The following TMTC1 variants were observed in gnomAD, a reference collection of about 807,000 sequenced individuals.
TMTC1 encodes the protein protein O-mannosyl-transferase TMTC1.
A neutral mutation model predicts 104.8 loss-of-function variants in TMTC1; 73 were observed. The observed-to-expected ratio is 0.70, with a 90% CI of 0.58 to 0.85. The LOEUF is 0.85. TMTC1 is among the 40% of genes least tolerant of loss of function. The probability of loss-of-function intolerance (pLI) is 0.00; values close to 1 mark genes in which losing one functional copy is unlikely to be tolerated. For missense variants in TMTC1, 1,035 were observed against 1,096.1 expected, an observed-to-expected ratio of 0.94 and a Z score of 0.79; for synonymous variants, 434 against 428.7, an observed-to-expected ratio of 1.01 and a Z score of -0.15.
chr12:29,506,766 G>C lies in TMTC1; in HGVS notation c.*80C>G. The C allele has an allele frequency of 6.5e-7, 1 of 1,546,724 alleles. No homozygotes were observed. ...AGAAAATCTCATTAGTTGTGCCCCTGCTGATGTGAAAGCAAGGCTTCCATC... is the reference window on the plus strand; with the variant it reads ...AGAAAATCTCATTAGTTGTGCCCCTCCTGATGTGAAAGCAAGGCTTCCATC... On this transcript the variant is annotated 3_prime_UTR_variant, in exon 18 of 18. Coordinates refer to ENST00000539277, the MANE Select transcript of TMTC1 (RefSeq NM_001193451.2).
chr12:29,659,849 A>G, intron 5 of TMTC1: 1 of 1,471,000 alleles, frequency 6.8e-7, no homozygotes, highest in Non-Finnish European at 9.1e-7. Flanking sequence ...TCTAATAAAT[A>G]CCAAGTTTTA....
chr12:29,685,250 A>C (rs1044327170), intron 5 of TMTC1, among the ~76,000 whole-genome samples: 1 of 152,120 alleles, frequency 6.6e-6, no homozygotes, highest in East Asian at 1.9e-4. Flanking sequence ...GCACAGTACA[A>C]AACAGTCTAC....
At chr12:29,741,120 A>T (rs1015960666) in intron 5 of TMTC1, among the ~76,000 whole-genome samples, 1 of 152,256 alleles carries the variant, frequency 6.6e-6, no homozygotes, top group East Asian at 1.9e-4. Flanking sequence ...ATTATTGAAG[A>T]CAAAATACAT....
chr12:29,672,965 C>T (rs1736853309), intron 5 of TMTC1, among the ~76,000 whole-genome samples: 1 of 152,188 alleles, frequency 6.6e-6, no homozygotes, highest in South Asian at 2.1e-4. Context: ...GCCCCCACCC[C>T]TAATGCCCTT....
At chr12:29,519,432 A>C (rs140068422) in intron 12 of TMTC1, 344 of 152,316 alleles carry the variant, frequency 2.3e-3, no homozygotes, top group African/African-American at 8.0e-3. Context: ...AAGGCCCTCT[A>C]CTCTGATAGG....
At chr12:29,757,464 G>C (rs1307137856) in intron 3 of TMTC1, among the ~76,000 whole-genome samples, 1 of 152,182 alleles carries the variant, frequency 6.6e-6, no homozygotes, top group Admixed American at 6.5e-5. Flanking sequence ...TAGTGGCTAG[G>C]ACGAGGAGGA....
chr12:29,776,768 A>C (rs1943718458), intron 1 of TMTC1, among the ~76,000 whole-genome samples: 1 of 152,198 alleles, frequency 6.6e-6, no homozygotes, highest in African/African-American at 2.4e-5. Flanking sequence ...TCACCTGGCC[A>C]CCAGGGAAGG....
chr12:29,618,416 T>G (rs7971021), intron 6 of TMTC1, among the ~76,000 whole-genome samples: 7,940 of 152,258 alleles, frequency 0.052, 687 homozygotes, highest in African/African-American at 0.18. Flanking sequence ...AAAAATAAAT[T>G]TTTTAATACT....
chr12:29,778,600 G>A (rs1943764759), intron 1 of TMTC1, among the ~76,000 whole-genome samples: 1 of 152,184 alleles, frequency 6.6e-6, no homozygotes, highest in African/African-American at 2.4e-5. Context: ...TTTTGATTCT[G>A]TACCACTATG....
Position 29,744,047 on chromosome 12 carries a change from T to G in TMTC1, c.938+7619A>C, listed in dbSNP as rs117340841. 8.2e-3 allele frequency among the ~76,000 whole-genome samples: 1,249 copies of G among 152,308 alleles called. 10 individuals carry two copies. Among genetic ancestry groups the G allele is most frequent in the Non-Finnish European group, 9.9e-3 (674 of 68,032 alleles). Reference sequence around the variant, plus strand: ...CCGAGATCCTCTTTCAACAGCCTGTTGTGACAGTGATGGAATTGCATGCCA... The same window carrying G: ...CCGAGATCCTCTTTCAACAGCCTGTGGTGACAGTGATGGAATTGCATGCCA... On this transcript the variant is annotated intron_variant, in intron 5 of 17. Coordinates refer to ENST00000539277, the MANE Select transcript of TMTC1 (RefSeq NM_001193451.2).
At chr12:29,595,383 C>T (rs570378769) in intron 7 of TMTC1, among the ~76,000 whole-genome samples, 1 of 152,332 alleles carries the variant, frequency 6.6e-6, no homozygotes, top group East Asian at 1.9e-4. Flanking sequence ...AGCCATTGCT[C>T]TGTTCTAATA....
intron 4 of TMTC1, among the ~76,000 whole-genome samples, chr12:29,753,288 T>G (rs1218802042): frequency 1.3e-5 from 2 of 152,172 alleles, no homozygotes; most frequent in Admixed American, 1.3e-4. Flanking sequence ...TGTGAAATTC[T>G]CAAGAGTCCA....
At chr12:29,749,778 T>C (rs1476777309) in intron 5 of TMTC1, among the ~76,000 whole-genome samples, 1 of 152,122 alleles carries the variant, frequency 6.6e-6, no homozygotes, top group African/African-American at 2.4e-5. Flanking sequence ...ACCCACCTGG[T>C]TAAGCCAGAA....
chr12:29,623,825 A>ATAAATAAATTAAATTAAATTAAAT (rs375861616), intron 6 of TMTC1, among the ~76,000 whole-genome samples: 2 of 148,824 alleles, frequency 1.3e-5, no homozygotes, highest in African/African-American at 5.2e-5. Flanking sequence ...AAATAAATAA[A>ATAAATAAATTAAATTAAATTAAAT]TAAATTAAAT....
chr12:29,758,057 C>A (rs1025204506), intron 3 of TMTC1, among the ~76,000 whole-genome samples: 1 of 152,140 alleles, frequency 6.6e-6, no homozygotes, highest in African/African-American at 2.4e-5. Flanking sequence ...CTCTGAGCTG[C>A]CCCCATTCAC....
chr12:29,662,666 C>CAAAAA (rs35610791), intron 5 of TMTC1, among the ~76,000 whole-genome samples: 1 of 86,608 alleles, frequency 1.2e-5, no homozygotes. Flanking sequence ...GACTCCGTCT[C>CAAAAA]AAAAAAAAAA....
upstream of TMTC1, chr12:29,784,574 G>C (rs61922590): frequency 6.6e-6 from 1 of 152,230 alleles, no homozygotes; most frequent in Non-Finnish European, 1.5e-5. Flanking sequence ...CGCCCTGCCC[G>C]GGTGTGTTCA....
intron 5 of TMTC1, among the ~76,000 whole-genome samples, chr12:29,643,835 ATATT>A (rs1277483131): frequency 1.3e-5 from 1 of 79,120 alleles, no homozygotes; most frequent in African/African-American, 5.1e-5. Context: ...ATATTTATAT[ATATT>A]TATATATTTA....
intron 11 of TMTC1, among the ~76,000 whole-genome samples, chr12:29,524,349 C>T (rs1483982173): frequency 6.6e-6 from 1 of 152,176 alleles, no homozygotes; most frequent in African/African-American, 2.4e-5. Flanking sequence ...TATTAATACC[C>T]TACAACCAAA....
Sources: allele counts gnomAD v4.1 joint callset (sites outside exome capture counted in the v4.1 genomes callset), GRCh38; gene constraint gnomAD v4.1.1; transcripts MANE v1.5; gene names NCBI Gene and HGNC (gene_info 2026-07-23, HGNC 2026-07-21).